The following RBPJ variants were observed in gnomAD, a reference collection of about 807,000 sequenced individuals.
The protein encoded by RBPJ is recombining binding protein suppressor of hairless.
In RBPJ, 9 loss-of-function variants were observed where a neutral mutation model predicts 67.8. The observed-to-expected ratio is 0.13, with a 90% CI of 0.08 to 0.23. The LOEUF (loss-of-function observed/expected upper bound fraction) is 0.23. RBPJ is among the 10% of genes least tolerant of loss of function. RBPJ has a pLI of 1.00. For missense variants in RBPJ, 305 were observed against 595.6 expected (o/e 0.51, Z 5.08); for synonymous variants, 198 against 203.3 (o/e 0.97, Z 0.22).
At chr4:26,138,357 C>A in the RBPJ span, among the ~76,000 whole-genome samples, 16 of 141,146 alleles carry the variant, frequency 1.1e-4, no homozygotes, top group African/African-American at 4.1e-4. Flanking sequence ...GATGCTGGGG[C>A]CTCTCTGGCA....
At position 26,264,381 on chromosome 4, in the gene RBPJ, G is replaced by C. The variant is rs1299871470; in HGVS notation, c.-166-98065G>C. On this transcript the variant is annotated intron_variant, in intron 1 of 4. Transcript: ENST00000512351. This position sits in a 1 kb window ranked among gnomAD's most constrained non-coding sequence, Gnocchi z 4.1. ...CAGCATATGTAGTCTGGAGCACTAT[G>C]ACAGCCTTCTGACTAACCTCCCTAT... is the stretch of plus-strand genomic sequence containing the variant. 6.6e-6 allele frequency among the ~76,000 whole-genome samples: 1 copy of C among 152,094 alleles called. No homozygotes were observed.
At chr4:26,218,272 C>T (rs2109186958) in intron 1 of RBPJ, among the ~76,000 whole-genome samples, 1 of 152,288 alleles carries the variant, frequency 6.6e-6, no homozygotes, top group East Asian at 1.9e-4. Flanking sequence ...GGGAAATAAT[C>T]AGAGACAGAT....
intron 3 of RBPJ, among the ~76,000 whole-genome samples, chr4:26,413,998 C>T (rs77861866): frequency 0.089 from 13,505 of 152,126 alleles, 792 homozygotes; most frequent in East Asian, 0.3. Context: ...GGTATATATA[C>T]ACTAGTGGCT....
the RBPJ span, among the ~76,000 whole-genome samples, chr4:26,106,675 G>T: frequency 6.6e-6 from 1 of 152,142 alleles, no homozygotes; most frequent in Non-Finnish European, 1.5e-5. Context: ...GTATGCCTTT[G>T]CTAGCTGGTC....
At chr4:26,141,265 G>C in the RBPJ span, among the ~76,000 whole-genome samples, 1 of 152,214 alleles carries the variant, frequency 6.6e-6, no homozygotes, top group East Asian at 1.9e-4. Flanking sequence ...CTCCAACTCT[G>C]GCCTCTCTAA....
At chr4:26,218,425 C>T (rs1718789003) in intron 1 of RBPJ, among the ~76,000 whole-genome samples, 1 of 152,130 alleles carries the variant, frequency 6.6e-6, no homozygotes, top group African/African-American at 2.4e-5. Flanking sequence ...GTCCTGCTCA[C>T]ATCCCATCCC....
chr4:26,277,800 A>G (rs1208965328), intron 1 of RBPJ, among the ~76,000 whole-genome samples: 4 of 152,224 alleles, frequency 2.6e-5, no homozygotes, highest in Non-Finnish European at 5.9e-5. Flanking sequence ...AAAAGTCCAG[A>G]GGAAGAATTT....
intron 1 of RBPJ, among the ~76,000 whole-genome samples, chr4:26,354,066 G>C (rs1205313642): frequency 1.3e-5 from 2 of 152,006 alleles, no homozygotes; most frequent in African/African-American, 4.8e-5. Context: ...GAGTAGCTGG[G>C]ACTACAGGCG....
intron 1 of RBPJ, among the ~76,000 whole-genome samples, chr4:26,241,709 G>A (rs757225244): frequency 3.3e-5 from 5 of 151,754 alleles, no homozygotes; most frequent in Non-Finnish European, 5.9e-5. Context: ...GCAGGGTTTC[G>A]CTATGTTGGC....
intron 1 of RBPJ, chr4:26,322,053 A>G (rs1336548964): frequency 6.6e-6 from 1 of 151,404 alleles, no homozygotes; most frequent in South Asian, 2.1e-4. Flanking sequence ...GCTTGGAAAC[A>G]GTAGCCTTGG....
chr4:26,259,230 G>A (rs1270849398), intron 1 of RBPJ, among the ~76,000 whole-genome samples: 2 of 152,194 alleles, frequency 1.3e-5, no homozygotes, highest in Non-Finnish European at 2.9e-5. Flanking sequence ...ACAGGAATGT[G>A]TAGAAGCATG....
chr4:26,397,854 C>T (rs1373969500), intron 2 of RBPJ, among the ~76,000 whole-genome samples: 2 of 152,104 alleles, frequency 1.3e-5, no homozygotes, highest in Non-Finnish European at 2.9e-5. Context: ...AGGATGGTCT[C>T]AATCTCCTGA....
At chr4:26,109,822 C>G in the RBPJ span, among the ~76,000 whole-genome samples, 1 of 150,696 alleles carries the variant, frequency 6.6e-6, no homozygotes, top group Non-Finnish European at 1.5e-5. Flanking sequence ...ATCTTTATAA[C>G]AATAATTCTT....
At chr4:26,337,771 C>T (rs1371742385) in intron 1 of RBPJ, among the ~76,000 whole-genome samples, 1 of 147,922 alleles carries the variant, frequency 6.8e-6, no homozygotes, top group Non-Finnish European at 1.5e-5. Context: ...ACTGCAGCCT[C>T]AACTTCATCG....
At chr4:26,217,178 T>TG (rs1718748718) in intron 1 of RBPJ, among the ~76,000 whole-genome samples, 1 of 152,162 alleles carries the variant, frequency 6.6e-6, no homozygotes, top group Non-Finnish European at 1.5e-5. Flanking sequence ...TTACTCACAT[T>TG]GACAAAGGCA....
At chr4:26,416,255 A>G (rs1052147348) in intron 4 of RBPJ, among the ~76,000 whole-genome samples, 5 of 152,126 alleles carry the variant, frequency 3.3e-5, no homozygotes, top group African/African-American at 9.7e-5. Context: ...CAGTCAATCT[A>G]GATCTTTTTT....
the RBPJ span, among the ~76,000 whole-genome samples, chr4:26,156,938 G>C: frequency 2.6e-4 from 39 of 151,372 alleles, 1 homozygote; most frequent in South Asian, 5.6e-3. Flanking sequence ...AGCCAGGTGT[G>C]GTGGCAGGTG....
rs193010816 is a variant in RBPJ, at chr4:26,248,679, C to T, written c.-167+85065C>T. Among the ~76,000 whole-genome samples the T allele has an allele frequency of 1.2e-3, 186 of 152,244 alleles. 4 individuals carry two copies. The highest frequency in any genetic ancestry group is 0.011 in the Admixed American group (161 of 15,290). On this transcript the variant is annotated intron_variant, in intron 1 of 4. Coordinates refer to the RBPJ transcript ENST00000512351. The stretch of plus-strand genomic sequence containing the variant: ...CTAAGAGCAGAATAAATCTGAATCT[C>T]CACAGGCTAGTAATAGGGACTTGTG...
At chr4:26,173,396 A>C (rs1258458307) in intron 1 of RBPJ, among the ~76,000 whole-genome samples, 1 of 152,174 alleles carries the variant, frequency 6.6e-6, no homozygotes, top group Admixed American at 6.5e-5. Flanking sequence ...TCGGCCTCCC[A>C]AAGTACTGGG....
Sources: gnomAD v4.1 joint callset for allele counts (sites outside exome capture counted in the v4.1 genomes callset) on GRCh38, gnomAD v4.1.1 for gene constraint, Gnocchi (gnomAD v3.1) non-coding constraint, MANE v1.5 for transcripts, NCBI Gene and HGNC (gene_info 2026-07-23, HGNC 2026-07-21) for gene names.